The following SGMS2 variants were observed in gnomAD, a reference collection of about 807,000 sequenced individuals.
The protein encoded by SGMS2 is sphingomyelin synthase 2.
A neutral mutation model predicts 43.8 loss-of-function variants in SGMS2; 21 were observed. The ratio of observed to expected loss-of-function variants is 0.48; its 90% confidence interval spans 0.34 to 0.69. The LOEUF is 0.69. Among genes scored for constraint, SGMS2 ranks in the 30% least tolerant of loss-of-function variants. The pLI is 0.01. For synonymous variants in SGMS2, 167 were observed against 160.6 expected (o/e 1.04, Z -0.30); for missense variants, 384 against 443.2 (o/e 0.87, Z 1.20).
intron 2 of SGMS2, among the ~76,000 whole-genome samples, chr4:107,895,073 G>A (rs1376363379): frequency 6.6e-6 from 1 of 152,162 alleles, no homozygotes; most frequent in African/African-American, 2.4e-5. Context: ...GGAACTGATT[G>A]TTAAAATGTT....
At chr4:107,905,393 G>C (rs1731469456) in intron 5 of SGMS2, among the ~76,000 whole-genome samples, 1 of 152,168 alleles carries the variant, frequency 6.6e-6, no homozygotes, top group African/African-American at 2.4e-5. Context: ...CAGCACATGA[G>C]AATTATGGGA....
intron 2 of SGMS2, among the ~76,000 whole-genome samples, chr4:107,880,947 G>T (rs1488968724): frequency 6.6e-6 from 1 of 151,890 alleles, no homozygotes; most frequent in Non-Finnish European, 1.5e-5. Context: ...AGATTTCTTA[G>T]CTAAACTGAA....
In SGMS2 at chr4:107,873,757, C is replaced by T. The variant is rs116154507; in HGVS notation, c.-245+15204C>T. Among the ~76,000 whole-genome samples, 594 of 152,146 alleles carry T rather than the reference C, an allele frequency of 3.9e-3. 2 individuals are homozygous for T. Among genetic ancestry groups the T allele is most frequent in the African/African-American group, 0.013 (524 of 41,524 alleles). On this transcript the variant is annotated intron_variant, in intron 2 of 6. Coordinates refer to ENST00000690982, the MANE Select transcript of SGMS2 (RefSeq NM_001375905.1). ...TTCAGTCTGTAGAATTTCAATATCA[C>T]GTTGCTGTGTAAGAGCACCTGCCCA...
intron 1 of SGMS2, among the ~76,000 whole-genome samples, chr4:107,856,896 C>T (rs1014275142): frequency 2.0e-5 from 3 of 152,118 alleles, no homozygotes; most frequent in Non-Finnish European, 4.4e-5. Flanking sequence ...TAAAACTGGC[C>T]TTTTTAAAGT....
intron 2 of SGMS2, among the ~76,000 whole-genome samples, chr4:107,862,073 T>C (rs766759386): frequency 1.3e-5 from 2 of 152,184 alleles, no homozygotes; most frequent in Non-Finnish European, 2.9e-5. Context: ...ATCCCAGTAT[T>C]GGGGTGGTGG....
At chr4:107,849,847 G>A (rs1299847616) in intron 1 of SGMS2, among the ~76,000 whole-genome samples, 1 of 152,078 alleles carries the variant, frequency 6.6e-6, no homozygotes, top group Admixed American at 6.6e-5. Context: ...TTACAATTTA[G>A]CCAAAGTACT....
chr4:107,883,140 C>T (rs1729489395), intron 2 of SGMS2, among the ~76,000 whole-genome samples: 1 of 152,158 alleles, frequency 6.6e-6, no homozygotes, highest in Non-Finnish European at 1.5e-5. Flanking sequence ...TGCTCAGTAG[C>T]CTCTGCAGCT....
chr4:107,867,544 T>C (rs1728218102), intron 2 of SGMS2: 1 of 152,146 alleles, frequency 6.6e-6, no homozygotes, highest in Admixed American at 6.6e-5. Flanking sequence ...CAAAGAGGGG[T>C]AGAACAGCCT....
In SGMS2 at chr4:107,827,039, A is replaced by C. The variant is rs138903069; in HGVS notation, c.-327+1786A>C. Among the ~76,000 whole-genome samples the C allele has an allele frequency of 9.8e-3, 1,493 of 152,324 alleles. 22 individuals carry two copies. Among genetic ancestry groups the C allele is most frequent in the Middle Eastern group, 0.027 (8 of 294 alleles). On this transcript the variant is annotated intron_variant, in intron 1 of 6. Coordinates refer to ENST00000690982, the MANE Select transcript of SGMS2 (RefSeq NM_001375905.1). ...GGGATTTTTGTGGGACTTTAAACAA[A>C]ATATAGGGGAAAAATAGAAATAATC...
At chr4:107,855,869 A>G (rs1301390134) in intron 1 of SGMS2, among the ~76,000 whole-genome samples, 1 of 152,098 alleles carries the variant, frequency 6.6e-6, no homozygotes, top group Non-Finnish European at 1.5e-5. Context: ...TGATTCTTTT[A>G]AGGACCTTGT....
Position 107,895,497 on chromosome 4 carries a change from T to G in SGMS2, c.-57T>G. ...AATAGAAGGATTGAAAAAAGCTAAATTTCCACAAAGAACAAGAACTTGACC... is the reference window on the plus strand; with the variant it reads ...AATAGAAGGATTGAAAAAAGCTAAAGTTCCACAAAGAACAAGAACTTGACC... On this transcript the variant is annotated 5_prime_UTR_variant, in exon 3 of 7. Transcript: ENST00000690982. 3.3e-6 allele frequency: 5 copies of G among 1,523,692 alleles called. No homozygotes were observed. The highest frequency in any genetic ancestry group is 4.4e-6 in the Non-Finnish European group (5 of 1,133,280). The allele number at this position is 1,523,692 out of a possible 1,614,324, so 94.4% of individuals were successfully genotyped here. A position where few individuals can be genotyped will look rare whatever the true frequency, so the allele number is the denominator to read the frequency against.
At chr4:107,894,655 G>A (rs943137817) in intron 2 of SGMS2, among the ~76,000 whole-genome samples, 3 of 152,168 alleles carry the variant, frequency 2.0e-5, no homozygotes, top group Admixed American at 1.3e-4. Flanking sequence ...AAGGCTTGGT[G>A]TATCTTTTCA....
At chr4:107,838,985 C>T (rs920736083) in intron 1 of SGMS2, among the ~76,000 whole-genome samples, 2 of 152,162 alleles carry the variant, frequency 1.3e-5, no homozygotes, top group Non-Finnish European at 2.9e-5. Context: ...CTTCCTCCAC[C>T]ACAACCAAGC....
chr4:107,849,466 G>A (rs999987760), intron 1 of SGMS2, among the ~76,000 whole-genome samples: 26 of 152,000 alleles, frequency 1.7e-4, no homozygotes, highest in African/African-American at 4.3e-4. Flanking sequence ...TGGACAGTCC[G>A]GCAATAGAAA....
chr4:107,902,779 C>T (rs576887161), intron 4 of SGMS2, among the ~76,000 whole-genome samples: 1 of 152,100 alleles, frequency 6.6e-6, no homozygotes, highest in African/African-American at 2.4e-5. Context: ...ATTAATGCAG[C>T]TATATATCTG....
intron 4 of SGMS2, among the ~76,000 whole-genome samples, chr4:107,901,729 A>G (rs1260299850): frequency 1.3e-5 from 2 of 152,188 alleles, no homozygotes; most frequent in Non-Finnish European, 2.9e-5. Flanking sequence ...TGTTTACATA[A>G]GTGTTGGCCC....
chr4:107,867,044 G>A (rs910945219), intron 2 of SGMS2: 1 of 152,148 alleles, frequency 6.6e-6, no homozygotes, highest in Admixed American at 6.6e-5. Flanking sequence ...CCAGATTTCA[G>A]ATGAGATTTT....
chr4:107,894,279 G>C (rs752233008), intron 2 of SGMS2: 1 of 152,164 alleles, frequency 6.6e-6, no homozygotes, highest in Non-Finnish European at 1.5e-5. Context: ...GACTAATTAC[G>C]AGGTTTGAAA....
chr4:107,859,623 A>G (rs188436032), intron 2 of SGMS2, among the ~76,000 whole-genome samples: 2 of 152,320 alleles, frequency 1.3e-5, no homozygotes, highest in Admixed American at 1.3e-4. Flanking sequence ...AACGCTTTCT[A>G]TGTGCCAGGC....
Sources: allele counts gnomAD v4.1 joint callset (sites outside exome capture counted in the v4.1 genomes callset), GRCh38; gene constraint gnomAD v4.1.1; transcripts MANE v1.5; gene names NCBI Gene and HGNC (gene_info 2026-07-23, HGNC 2026-07-21).